Variants in USP34 observed in about 807,000 individuals in gnomAD.
USP34 encodes ubiquitin carboxyl-terminal hydrolase 34.
A neutral mutation model predicts 460.3 loss-of-function variants in USP34; 70 were observed. The ratio of observed to expected loss-of-function variants is 0.15; its 90% CI spans 0.13 to 0.19. The LOEUF (loss-of-function observed/expected upper bound fraction) is 0.19. Among genes scored for constraint, USP34 ranks in the 10% least tolerant of loss-of-function variants. The probability of loss-of-function intolerance (pLI) is 1.00; values close to 1 mark genes in which losing one functional copy is unlikely to be tolerated. For synonymous variants in USP34, 1,647 were observed against 1,405.3 expected (o/e 1.17, Z -3.85); for missense variants, 3,985 against 4,236.2 (o/e 0.94, Z 1.65).
chr2:61,400,576 C>T (rs1333527001), intron 3 of USP34, among the ~76,000 whole-genome samples: 3 of 152,024 alleles, frequency 2.0e-5, no homozygotes, highest in East Asian at 1.9e-4. Flanking sequence ...ATTGACTGGG[C>T]GTGGCAGCTC....
At chr2:61,227,470 G>T (rs2103822437) in intron 61 of USP34, among the ~76,000 whole-genome samples, 1 of 152,244 alleles carries the variant, frequency 6.6e-6, no homozygotes, top group South Asian at 2.1e-4. Flanking sequence ...CAGCATTTTG[G>T]AAGGCTGAGG....
chr2:61,189,990 G>A (rs904921568), intron 78 of USP34: 2 of 296,160 alleles, frequency 6.8e-6, no homozygotes, highest in Non-Finnish European at 1.2e-5. Flanking sequence ...CACAAGTATT[G>A]TTTCCAAAAA....
At chr2:61,456,877 C>A (rs544892953) in intron 1 of USP34, among the ~76,000 whole-genome samples, 1 of 152,076 alleles carries the variant, frequency 6.6e-6, no homozygotes. Flanking sequence ...ACTATGGAAG[C>A]TGAGGCAGGA....
intron 2 of USP34, among the ~76,000 whole-genome samples, chr2:61,407,839 G>C (rs527973936): frequency 6.8e-4 from 104 of 152,306 alleles, no homozygotes; most frequent in Non-Finnish European, 1.2e-3. Context: ...CTGAGGCTGG[G>C]TGTGGTGGCT....
At chr2:61,362,149 CAA>C (rs1163069228) in intron 10 of USP34, among the ~76,000 whole-genome samples, 1 of 152,042 alleles carries the variant, frequency 6.6e-6, no homozygotes, top group African/African-American at 2.4e-5. Context: ...ATCAAAAAGA[CAA>C]AAGATAAATG....
chr2:61,385,997 CA>C (rs58518474), intron 5 of USP34, among the ~76,000 whole-genome samples: 3,978 of 99,370 alleles, frequency 0.04, 111 homozygotes, highest in African/African-American at 0.13. Context: ...ACTCTGTCTC[CA>C]AAAAAAAAAA....
chr2:61,440,829 T>C (rs747409449), intron 1 of USP34, among the ~76,000 whole-genome samples: 13 of 149,756 alleles, frequency 8.7e-5, no homozygotes, highest in Non-Finnish European at 1.5e-4. Context: ...ACTTTTTTAA[T>C]TTAAAAAAAA....
chr2:61,291,037 G>C lies in USP34; in HGVS notation c.4549-2160C>G, dbSNP rs78290109. Among the ~76,000 whole-genome samples the C allele has an allele frequency of 6.4e-3, 967 of 152,144 alleles. 6 individuals carry two copies. The highest frequency in any genetic ancestry group is 0.022 in the African/African-American group (922 of 41,514). ...GGGAAAAAGGCAACCCATAGAACGG[G>C]AGAAAATATTTGTAAATCACATGCA... On this transcript the variant is annotated intron_variant, in intron 33 of 79. Transcript: ENST00000398571.
chr2:61,266,114 G>C lies in USP34; in HGVS notation c.5487C>G (p.Asp1829Glu). The C allele has an allele frequency of 6.2e-7, 1 of 1,613,856 alleles. No homozygotes were observed. Among genetic ancestry groups the C allele is most frequent in the South Asian group, 1.1e-5 (1 of 91,054 alleles). ...GTGATTTGCACTTTGGCTGTTGTCG[G>C]TCCTTTAGACTTGGCAACAAAAACA... ...NLLFLLPSLKDRQQPKCKSHS... is the reference protein window; with the variant it reads ...NLLFLLPSLKERQQPKCKSHS... The change falls in exon 42 of 80, where the codon GAC becomes GAG. Residue 1829 changes from aspartate (D) to glutamate (E), a missense_variant. Transcript: ENST00000398571.
rs1691858118 is a variant in USP34, at chr2:61,349,037, A to G, written c.1544-151T>C. ...TCTCTAAATATGTTAACATTTGCTC[A>G]TGATTTCTAAAGAAGATGTAAGATT... On this transcript the variant is annotated intron_variant, in intron 13 of 79. Transcript: ENST00000398571. 11 of 1,120,862 alleles carry G rather than the reference A, an allele frequency of 9.8e-6. No individual in the cohort carries two copies. The South Asian group carries it at 2.0e-4, about 21-fold the overall frequency. The allele number at this position is 1,120,862 out of a possible 1,614,324, so 69.4% of individuals were successfully genotyped here.
intron 53 of USP34, among the ~76,000 whole-genome samples, chr2:61,236,710 A>AT (rs1418537073): frequency 2.6e-5 from 4 of 152,184 alleles, no homozygotes; most frequent in Non-Finnish European, 5.9e-5. Flanking sequence ...TTACATTCTG[A>AT]TAAGGTTACA....
intron 1 of USP34, among the ~76,000 whole-genome samples, chr2:61,425,836 G>A (rs1037585934): frequency 1.3e-5 from 2 of 151,920 alleles, no homozygotes; most frequent in African/African-American, 4.8e-5. Context: ...CCTTCCCCTC[G>A]ACAGGCTGCA....
chr2:61,257,163 G>C lies in USP34; in HGVS notation c.5991+41C>G, dbSNP rs769726601. On this transcript the variant is annotated intron_variant, in intron 45 of 79. Coordinates refer to ENST00000398571, the MANE Select transcript of USP34 (RefSeq NM_014709.4). ...AACTAGTTAAAACGCAGGCAAATTT[G>C]TTCAAATTTCAAAGAAACTTTTCAG... 3.8e-6 allele frequency: 6 copies of C among 1,581,476 alleles called. No homozygotes were observed. In the Admixed American group the frequency reaches 1.2e-4, roughly 31 times the overall value.
chr2:61,328,994 T>C (rs1691179431), intron 20 of USP34, among the ~76,000 whole-genome samples: 1 of 152,160 alleles, frequency 6.6e-6, no homozygotes, highest in African/African-American at 2.4e-5. Context: ...TGTGGTTTTA[T>C]TTCTGCTCTT....
chr2:61,326,358 C>T (rs1691089497), intron 20 of USP34, among the ~76,000 whole-genome samples: 1 of 151,844 alleles, frequency 6.6e-6, no homozygotes, highest in South Asian at 2.1e-4. Context: ...CAAGCTAATC[C>T]CAGCTAGGCG....
intron 1 of USP34, among the ~76,000 whole-genome samples, chr2:61,428,682 T>C (rs1352861816): frequency 1.3e-5 from 2 of 152,214 alleles, no homozygotes; most frequent in African/African-American, 4.8e-5. Flanking sequence ...GGAAATCGTA[T>C]GCACTAAGCA....
At chr2:61,315,690 A>G (rs1690722907) in intron 23 of USP34, among the ~76,000 whole-genome samples, 2 of 152,080 alleles carry the variant, frequency 1.3e-5, no homozygotes. Context: ...CAAATTTATG[A>G]TGTCAACCAT....
chr2:61,339,267 AAC>A (rs1691516677), intron 18 of USP34, 82 bp downstream of exon 18: 13 of 1,374,316 alleles, frequency 9.5e-6, no homozygotes, highest in Non-Finnish European at 1.3e-5. Flanking sequence ...ACAGTATAAA[AAC>A]ATCACACCTA....
intron 2 of USP34, among the ~76,000 whole-genome samples, chr2:61,408,948 CG>C (rs1220142091): frequency 3.9e-5 from 6 of 151,910 alleles, no homozygotes; most frequent in Non-Finnish European, 1.5e-5. Context: ...TCGGGGGGTG[CG>C]CTGTCTCAGC....
Sources: gnomAD v4.1 joint callset for allele counts (sites outside exome capture counted in the v4.1 genomes callset) on GRCh38, gnomAD v4.1.1 for gene constraint, MANE v1.5 for transcripts, NCBI Gene and HGNC (gene_info 2026-07-23, HGNC 2026-07-21) for gene names.